The following CSMD1 variants were observed in gnomAD, a reference collection of about 807,000 sequenced individuals.
The protein encoded by CSMD1 is CUB and sushi domain-containing protein 1.
CSMD1 carries 213 observed loss-of-function variants against 417.5 expected under a neutral mutation model. The ratio of observed to expected loss-of-function variants is 0.51; its 90% CI spans 0.46 to 0.57. CSMD1 has a LOEUF of 0.57. Ranked by LOEUF, CSMD1 falls within the 20% of genes least tolerant of loss-of-function variation. The pLI is 0.00. For synonymous variants in CSMD1, 2,862 were observed against 1,736.8 expected (o/e 1.65, Z -16.11); for missense variants, 6,923 against 4,529.7 (o/e 1.53, Z -15.17).
chr8:3,785,335 C>T (rs1256491121), intron 5 of CSMD1, among the ~76,000 whole-genome samples: 1 of 152,070 alleles, frequency 6.6e-6, no homozygotes, highest in Non-Finnish European at 1.5e-5. Context: ...ATGCCCCGGG[C>T]AAGGCCTCAG....
intron 26 of CSMD1, among the ~76,000 whole-genome samples, chr8:3,282,943 T>C (rs1281249383): frequency 6.6e-6 from 1 of 152,192 alleles, no homozygotes; most frequent in Admixed American, 6.5e-5. Flanking sequence ...TGACCTTGTG[T>C]GCTGCCCAAT....
rs1176667227 is a variant in CSMD1, at chr8:4,146,440, C to T, written c.416-114341G>A. Among the ~76,000 whole-genome samples the T allele has an allele frequency of 5.3e-5, 8 of 150,510 alleles. 1 individual carries two copies. In the East Asian group the frequency reaches 1.6e-3, roughly 29 times the overall value. On this transcript the variant is annotated intron_variant, in intron 3 of 69. Coordinates refer to ENST00000635120, the MANE Select transcript of CSMD1 (RefSeq NM_033225.6). Reference sequence around the variant, plus strand: ...CCAAAGACGTGTACCCAGGATGTGTCTCAGCAGTAAGTGTAGAGTTAACAA... The same window carrying T: ...CCAAAGACGTGTACCCAGGATGTGTTTCAGCAGTAAGTGTAGAGTTAACAA...
At chr8:3,109,354 C>T (rs1816353343) in intron 43 of CSMD1, among the ~76,000 whole-genome samples, 1 of 152,172 alleles carries the variant, frequency 6.6e-6, no homozygotes, top group Non-Finnish European at 1.5e-5. Flanking sequence ...TGGGGCATGG[C>T]CAACCACAGA....
intron 10 of CSMD1, among the ~76,000 whole-genome samples, chr8:3,561,514 T>C (rs76132815): frequency 0.013 from 1,984 of 152,228 alleles, 54 homozygotes; most frequent in African/African-American, 0.045. Context: ...AGTAAAATAA[T>C]GCAGAAATGG....
At chr8:3,557,934 G>C (rs571312784) in intron 10 of CSMD1, among the ~76,000 whole-genome samples, 2 of 152,262 alleles carry the variant, frequency 1.3e-5, no homozygotes, top group South Asian at 2.1e-4. Context: ...TAGTTTGTTG[G>C]TTTGCAAAAA....
chr8:3,423,571 A>G (rs1352748247), intron 12 of CSMD1, among the ~76,000 whole-genome samples: 1 of 152,034 alleles, frequency 6.6e-6, no homozygotes, highest in African/African-American at 2.4e-5. Flanking sequence ...TGTCTATCTT[A>G]TCACCAGCTG....
At chr8:4,570,322 T>C (rs1798822989) in intron 2 of CSMD1, among the ~76,000 whole-genome samples, 1 of 152,204 alleles carries the variant, frequency 6.6e-6, no homozygotes, top group African/African-American at 2.4e-5. Flanking sequence ...CGTCAATACC[T>C]AGTTTATTAT....
At chr8:4,888,832 G>C (rs943233945) in intron 1 of CSMD1, among the ~76,000 whole-genome samples, 1 of 152,032 alleles carries the variant, frequency 6.6e-6, no homozygotes, top group African/African-American at 2.4e-5. Context: ...ACTTCCAATA[G>C]GCATCTGGGA....
intron 5 of CSMD1, among the ~76,000 whole-genome samples, chr8:3,805,447 A>G (rs1021042771): frequency 1.3e-5 from 2 of 152,154 alleles, no homozygotes; most frequent in African/African-American, 4.8e-5. Context: ...TGGAGCAGAA[A>G]TGATCTACTC....
intron 3 of CSMD1, among the ~76,000 whole-genome samples, chr8:4,140,231 G>A (rs994173166): frequency 6.8e-5 from 9 of 132,924 alleles, no homozygotes; most frequent in Admixed American, 2.3e-4. Context: ...GGATATGAAG[G>A]CTCAGCCTGT....
intron 3 of CSMD1, among the ~76,000 whole-genome samples, chr8:4,088,965 A>T (rs976210249): frequency 2.0e-5 from 3 of 152,022 alleles, no homozygotes; most frequent in Non-Finnish European, 4.4e-5. Context: ...GAAGGGTCAC[A>T]CACCCCTGTT....
At chr8:3,465,657 T>A (rs944598149) in intron 12 of CSMD1, among the ~76,000 whole-genome samples, 3 of 152,184 alleles carry the variant, frequency 2.0e-5, no homozygotes, top group Non-Finnish European at 4.4e-5. Context: ...CTCAGGCTAT[T>A]CCTGATTTCT....
intron 2 of CSMD1, among the ~76,000 whole-genome samples, chr8:4,443,626 A>T (rs1054737566): frequency 6.6e-6 from 1 of 152,242 alleles, no homozygotes; most frequent in African/African-American, 2.4e-5. Flanking sequence ...CAAAGAATGT[A>T]CTGGAACAGC....
intron 5 of CSMD1, among the ~76,000 whole-genome samples, chr8:3,859,573 A>C (rs544987163): frequency 6.8e-4 from 103 of 152,270 alleles, no homozygotes; most frequent in Admixed American, 1.0e-3. Context: ...CTTAGTGCGA[A>C]GTTGGGTCAT....
chr8:3,612,094 A>T (rs58453884), intron 8 of CSMD1, among the ~76,000 whole-genome samples: 6 of 152,140 alleles, frequency 3.9e-5, no homozygotes, highest in Admixed American at 6.5e-5. Context: ...TTGAATATAG[A>T]AACATATATA....
chr8:4,065,194 A>T (rs1391687026), intron 3 of CSMD1, among the ~76,000 whole-genome samples: 2 of 152,218 alleles, frequency 1.3e-5, no homozygotes, highest in Non-Finnish European at 2.9e-5. Context: ...CAAACCATTC[A>T]TAACTTCTTA....
chr8:4,845,596 T>A (rs1364024858), intron 1 of CSMD1, among the ~76,000 whole-genome samples: 1 of 152,234 alleles, frequency 6.6e-6, no homozygotes, highest in Non-Finnish European at 1.5e-5. Context: ...TTTATTGGGT[T>A]CCTACCATGT....
At chr8:2,996,284 C>T (rs1244404307) in intron 54 of CSMD1, among the ~76,000 whole-genome samples, 2 of 152,098 alleles carry the variant, frequency 1.3e-5, no homozygotes, top group Non-Finnish European at 2.9e-5. Flanking sequence ...TAGTAATTTA[C>T]CATGTTAAAA....
intron 5 of CSMD1, among the ~76,000 whole-genome samples, chr8:3,829,788 T>C (rs1802267540): frequency 6.6e-6 from 1 of 152,196 alleles, no homozygotes; most frequent in Non-Finnish European, 1.5e-5. Flanking sequence ...GAATATTGAA[T>C]GAGGTTTTCC....
Sources: allele counts gnomAD v4.1 joint callset (sites outside exome capture counted in the v4.1 genomes callset), GRCh38; gene constraint gnomAD v4.1.1; transcripts MANE v1.5; gene names NCBI Gene and HGNC (gene_info 2026-07-23, HGNC 2026-07-21).